Variants in MAN1A1 observed in about 807,000 individuals in gnomAD.
MAN1A1 encodes the protein mannosidase alpha class 1A member 1.
Under a neutral mutation model 70.8 loss-of-function variants are expected in MAN1A1, and 29 were observed. The observed-to-expected ratio is 0.41, with a 90% confidence interval of 0.31 to 0.56. The LOEUF is 0.56. MAN1A1 is among the 20% of genes least tolerant of loss of function. The probability of loss-of-function intolerance (pLI) is 0.29; values close to 1 mark genes in which losing one functional copy is unlikely to be tolerated. For missense variants in MAN1A1, 747 were observed against 841.3 expected (o/e 0.89, Z 1.39); for synonymous variants, 349 against 330.1 (o/e 1.06, Z -0.62).
intron 5 of MAN1A1, among the ~76,000 whole-genome samples, chr6:119,276,218 T>C (rs759720542): frequency 4.6e-5 from 7 of 152,312 alleles, no homozygotes; most frequent in Non-Finnish European, 7.3e-5. Context: ...ATCATCTCCC[T>C]TTCCCACCCT....
intron 9 of MAN1A1, among the ~76,000 whole-genome samples, chr6:119,192,354 T>C (rs944837050): frequency 2.6e-5 from 4 of 152,178 alleles, no homozygotes; most frequent in Admixed American, 2.0e-4. Flanking sequence ...CTAGTTTGCT[T>C]TTGATGTTAA....
Position 119,302,013 on chromosome 6 carries a change from A to G in MAN1A1, c.791T>C (p.Val264Ala). 6.3e-7 allele frequency: 1 copy of G among 1,596,030 alleles called. No individual in the cohort carries two copies. The change falls in exon 4 of 13, where the codon GTT becomes GCT. Residue 264 changes from valine to alanine, a missense_variant. Val to Ala is a moderately conservative substitution (Grantham distance 64). Around this residue, in one of 2 missense-constraint regions of MAN1A1, gnomAD observed 419 missense variants for 548.2 expected, o/e 0.76. Coordinates refer to ENST00000368468, the MANE Select transcript of MAN1A1 (RefSeq NM_005907.4). ...KHEFEEAKSW[V>A]EENLDFNVNA... is the part of the protein sequence containing the mutation. ...CACATTAAAATCTAAATTTTCTTCAACCCATGATTTTGCTTCTTCAAATTC... is the reference window on the plus strand; with the variant it reads ...CACATTAAAATCTAAATTTTCTTCAGCCCATGATTTTGCTTCTTCAAATTC...
At chr6:119,340,423 TAGA>T (rs1582817714) in intron 2 of MAN1A1, among the ~76,000 whole-genome samples, 1 of 152,120 alleles carries the variant, frequency 6.6e-6, no homozygotes, top group African/African-American at 2.4e-5. Flanking sequence ...TCCTGTCACT[TAGA>T]AGAATTGAGT....
At chr6:119,213,673 TTC>T (rs1484363676) in intron 6 of MAN1A1, among the ~76,000 whole-genome samples, 2 of 152,270 alleles carry the variant, frequency 1.3e-5, no homozygotes, top group Middle Eastern at 3.4e-3. Flanking sequence ...AGAAAAACAA[TTC>T]TGTTTCTTTT....
rs190009231 is a variant in MAN1A1, at chr6:119,349,733, G to A, written c.-414C>T. The stretch of plus-strand genomic sequence containing the variant: ...GAATGGCAGCGAGTAGAGCAGCACG[G>A]TACACTCCGCCGCGGCCCCGCGAGC... On this transcript the variant is annotated 5_prime_UTR_variant, in exon 1 of 13. Coordinates refer to ENST00000368468, the MANE Select transcript of MAN1A1 (RefSeq NM_005907.4). The A allele has an allele frequency of 9.1e-6, 9 of 985,638 alleles. No individual in the cohort carries two copies. The African/African-American group carries it at 1.6e-4, about 17-fold the overall frequency. 61.1% of individuals were successfully genotyped at this position (985,638 alleles called of 1,614,324 possible).
chr6:119,239,413 T>G (rs972194982), intron 6 of MAN1A1, among the ~76,000 whole-genome samples: 1 of 152,222 alleles, frequency 6.6e-6, no homozygotes, highest in Non-Finnish European at 1.5e-5. Flanking sequence ...ATCCCATTTT[T>G]CAGAACATAT....
At chr6:119,257,159 A>C (rs1775482274) in intron 5 of MAN1A1, among the ~76,000 whole-genome samples, 2 of 152,204 alleles carry the variant, frequency 1.3e-5, no homozygotes, top group African/African-American at 2.4e-5. Context: ...CTCTGGATTA[A>C]TGTGGAGGAA....
intron 6 of MAN1A1, among the ~76,000 whole-genome samples, chr6:119,240,602 G>A (rs1026379731): frequency 1.3e-5 from 2 of 152,172 alleles, no homozygotes; most frequent in Non-Finnish European, 2.9e-5. Flanking sequence ...ATTATGACCA[G>A]AGAAGTGGGA....
At chr6:119,292,450 C>G (rs1302211339) in intron 4 of MAN1A1, among the ~76,000 whole-genome samples, 1 of 151,908 alleles carries the variant, frequency 6.6e-6, no homozygotes, top group African/African-American at 2.4e-5. Flanking sequence ...CAGACCCTGT[C>G]CTAGGTGATA....
At chr6:119,325,811 T>C (rs1160172765) in intron 2 of MAN1A1, among the ~76,000 whole-genome samples, 1 of 152,224 alleles carries the variant, frequency 6.6e-6, no homozygotes, top group South Asian at 2.1e-4. Flanking sequence ...ATTCTTCCTA[T>C]TGATCAATAT....
chr6:119,286,079 T>C (rs1776366994), intron 5 of MAN1A1, among the ~76,000 whole-genome samples: 2 of 152,142 alleles, frequency 1.3e-5, no homozygotes, highest in African/African-American at 4.8e-5. Context: ...TTATTCTCTG[T>C]TTTTCCACAG....
At chr6:119,241,353 C>G (rs1219689381) in intron 6 of MAN1A1, among the ~76,000 whole-genome samples, 1 of 152,174 alleles carries the variant, frequency 6.6e-6, no homozygotes, top group African/African-American at 2.4e-5. Context: ...CTGGCTGCCT[C>G]ACTGAACGGC....
rs563614516 is a variant in MAN1A1 at position 119,298,742 on chromosome 6, G to C, written c.816+3246C>G. ...CCCCCAAGTAGCTGGGACTACAGGCGTGTGCCACCATGCCTGGGAAATTTT... is the reference window on the plus strand; with the variant it reads ...CCCCCAAGTAGCTGGGACTACAGGCCTGTGCCACCATGCCTGGGAAATTTT... On this transcript the variant is annotated intron_variant, in intron 4 of 12. Transcript: ENST00000368468. Among the ~76,000 whole-genome samples, 9 of 151,902 alleles carry C rather than the reference G, an allele frequency of 5.9e-5. No homozygotes were observed. In the South Asian group the frequency reaches 1.9e-3, roughly 32 times the overall value.
intron 4 of MAN1A1, among the ~76,000 whole-genome samples, chr6:119,294,083 T>C (rs752815213): frequency 2.0e-5 from 3 of 152,086 alleles, no homozygotes; most frequent in African/African-American, 7.2e-5. Context: ...TCAGAAACTT[T>C]AGAATCATAA....
At chr6:119,265,278 T>G (rs1207474993) in intron 5 of MAN1A1, among the ~76,000 whole-genome samples, 8 of 152,056 alleles carry the variant, frequency 5.3e-5, no homozygotes, top group Non-Finnish European at 1.0e-4. Flanking sequence ...TTTTTAATTT[T>G]TTTTGAGACA....
intron 6 of MAN1A1, among the ~76,000 whole-genome samples, chr6:119,226,546 G>T (rs11153798): frequency 1.3e-5 from 2 of 151,982 alleles, no homozygotes; most frequent in Non-Finnish European, 2.9e-5. Flanking sequence ...CATCTTCCCA[G>T]GCTGTTCAAT....
chr6:119,203,974 G>A (rs1056886783), intron 7 of MAN1A1, among the ~76,000 whole-genome samples: 2 of 152,112 alleles, frequency 1.3e-5, no homozygotes. Context: ...AGGATTGAGT[G>A]CTAGGGCTTT....
chr6:119,193,909 A>C lies in MAN1A1; in HGVS notation c.1211-17T>G. 6.5e-7 allele frequency: 1 copy of C among 1,528,430 alleles called. No homozygotes were observed. Among genetic ancestry groups the C allele is most frequent in the Non-Finnish European group, 9.1e-7 (1 of 1,104,938 alleles). 94.7% of individuals were successfully genotyped at this position (1,528,430 alleles called of 1,614,324 possible). ...ATACATGATCTGGAAAGAGAGGGAA[A>C]TGAATTTTAGAGTGATTCAGCTTTT... On this transcript the variant is annotated splice_polypyrimidine_tract_variant and intron_variant, in intron 8 of 12. Coordinates refer to ENST00000368468, the MANE Select transcript of MAN1A1 (RefSeq NM_005907.4).
chr6:119,302,225 A>G (rs1772411216), intron 3 of MAN1A1, 122 bp from the exon 4 acceptor site: 1 of 522,760 alleles, frequency 1.9e-6, no homozygotes, highest in East Asian at 2.9e-5. Flanking sequence ...AATATTAAAC[A>G]TAGTCTAAAA....
Sources: gnomAD v4.1 joint callset for allele counts (sites outside exome capture counted in the v4.1 genomes callset) on GRCh38, gnomAD v4.1.1 for gene constraint, gnomAD v4.1.1 regional missense constraint, MANE v1.5 for transcripts, NCBI Gene and HGNC (gene_info 2026-07-23, HGNC 2026-07-21) for gene names.